The following CALN1 variants were observed in gnomAD, a reference collection of about 807,000 sequenced individuals.
CALN1 encodes calneuron 1, also known as calcium-binding protein 8.
In CALN1, 17 loss-of-function variants were observed where a neutral mutation model predicts 30.6. That is an observed-to-expected ratio of 0.56 (90% CI 0.38 to 0.83). The LOEUF (loss-of-function observed/expected upper bound fraction) is 0.83. Ranked by LOEUF, CALN1 falls within the 40% of genes least tolerant of loss-of-function variation. CALN1 has a pLI of 0.00. For missense variants in CALN1, 291 were observed against 354.9 expected, an observed-to-expected ratio of 0.82 and a Z score of 1.45; for synonymous variants, 156 against 131.4, an observed-to-expected ratio of 1.19 and a Z score of -1.28.
intron 3 of CALN1, among the ~76,000 whole-genome samples, chr7:72,155,907 C>T (rs1787641558): frequency 6.6e-6 from 1 of 152,132 alleles, no homozygotes; most frequent in African/African-American, 2.4e-5. Flanking sequence ...CCTCCACCTT[C>T]AATGCCAGCT....
chr7:71,871,893 T>C (rs1256117778), intron 5 of CALN1, among the ~76,000 whole-genome samples: 1 of 152,160 alleles, frequency 6.6e-6, no homozygotes, highest in Admixed American at 6.5e-5. Context: ...ATAATATATT[T>C]CATCTTCCAC....
chr7:72,036,327 G>C (rs1453985616), intron 4 of CALN1, among the ~76,000 whole-genome samples: 3 of 152,068 alleles, frequency 2.0e-5, no homozygotes, highest in African/African-American at 7.2e-5. Flanking sequence ...GGGTCTCTTT[G>C]AGTTCATCTT....
chr7:72,202,401 A>G (rs1473277389), intron 3 of CALN1, among the ~76,000 whole-genome samples: 2 of 152,222 alleles, frequency 1.3e-5, no homozygotes, highest in African/African-American at 4.8e-5. Context: ...GAAAAAAAGA[A>G]ATAGAAAACA....
At chr7:71,923,017 ACTATACTATT>A (rs1386902190) in intron 5 of CALN1, among the ~76,000 whole-genome samples, 1 of 149,408 alleles carries the variant, frequency 6.7e-6, no homozygotes, top group Non-Finnish European at 1.5e-5. Flanking sequence ...ACTATACTAT[ACTATACTATT>A]CTATACTATA....
intron 3 of CALN1, among the ~76,000 whole-genome samples, chr7:72,181,003 C>T (rs1789741635): frequency 6.7e-6 from 1 of 149,300 alleles, no homozygotes; most frequent in African/African-American, 2.5e-5. Context: ...GAGGCTGGGG[C>T]AGGAGAATCA....
intron 5 of CALN1, among the ~76,000 whole-genome samples, chr7:71,863,002 T>C (rs191009042): frequency 2.0e-5 from 3 of 150,776 alleles, no homozygotes; most frequent in Non-Finnish European, 4.4e-5. Flanking sequence ...CTCACGCCTA[T>C]AATCCCAGCA....
intron 2 of CALN1, among the ~76,000 whole-genome samples, chr7:72,287,148 T>A (rs1798134934): frequency 6.6e-6 from 1 of 152,178 alleles, no homozygotes; most frequent in South Asian, 2.1e-4. Flanking sequence ...TTTGCCTTCT[T>A]TGCTTATTTT....
the CALN1 span, among the ~76,000 whole-genome samples, chr7:72,468,941 T>C: frequency 8.3e-4 from 127 of 152,354 alleles, no homozygotes; most frequent in African/African-American, 3.0e-3. Context: ...GTTTTTTAAA[T>C]ATATTCTGTA....
At chr7:72,096,638 G>C (rs1159649823) in intron 4 of CALN1, among the ~76,000 whole-genome samples, 3 of 152,186 alleles carry the variant, frequency 2.0e-5, no homozygotes, top group Admixed American at 2.0e-4. Flanking sequence ...CATTTGCAAA[G>C]CTAGCTGGAT....
chr7:72,222,314 C>A (rs538993865), intron 3 of CALN1, among the ~76,000 whole-genome samples: 4 of 152,260 alleles, frequency 2.6e-5, no homozygotes, highest in Middle Eastern at 3.4e-3. Flanking sequence ...AAGTGTGATG[C>A]TGGCATCTGC....
intron 5 of CALN1, among the ~76,000 whole-genome samples, chr7:71,916,021 C>G (rs1794673868): frequency 6.6e-6 from 1 of 152,174 alleles, no homozygotes; most frequent in Non-Finnish European, 1.5e-5. Context: ...CCTCCCTGTC[C>G]TGTCCCTCCA....
intron 5 of CALN1, among the ~76,000 whole-genome samples, chr7:71,989,601 T>C (rs907261158): frequency 6.6e-6 from 1 of 152,006 alleles, no homozygotes; most frequent in Non-Finnish European, 1.5e-5. Context: ...CCCAAAGAAA[T>C]TGGAAAACCA....
rs971132158 is a variant in CALN1, at chr7:71,780,267, G to C, written c.*7508C>G. 1 of 152,172 alleles carries C rather than the reference G, an allele frequency of 6.6e-6. No individual in the cohort carries two copies. Among genetic ancestry groups the C allele is most frequent in the Non-Finnish European group, 1.5e-5 (1 of 68,004 alleles). The allele number at this position is 152,172 out of a possible 1,614,324, so 9.4% of individuals were successfully genotyped here. A position where few individuals can be genotyped will look rare whatever the true frequency, so the allele number is the denominator to read the frequency against. ...GGAGAGAGTTGAGAGCCACTGGCTT[G>C]TGCAACTCTCCACCAGGAGCTGACA... is the stretch of plus-strand genomic sequence containing the variant. On this transcript the variant is annotated 3_prime_UTR_variant, in exon 7 of 7. Transcript: ENST00000395275.
chr7:72,286,731 C>G (rs1798102551), intron 2 of CALN1, among the ~76,000 whole-genome samples: 1 of 152,150 alleles, frequency 6.6e-6, no homozygotes, highest in African/African-American at 2.4e-5. Context: ...TCAAATCAGA[C>G]AAGAATGAGT....
chr7:72,332,394 C>T (rs1801737741), intron 2 of CALN1, among the ~76,000 whole-genome samples: 2 of 151,798 alleles, frequency 1.3e-5, no homozygotes, highest in South Asian at 4.2e-4. Context: ...TCGGTGTTGC[C>T]ATGGCAACAG....
Position 71,928,294 on chromosome 7 carries a change from G to A in CALN1, c.501+95363C>T, listed in dbSNP as rs182524591. Among the ~76,000 whole-genome samples, 935 of 152,212 alleles carry A rather than the reference G, an allele frequency of 6.1e-3. 10 individuals carry two copies. The highest frequency in any genetic ancestry group is 0.021 in the African/African-American group (886 of 41,542). ...ACTGAATGATTCTCTCCCACTGTAT[G>A]GCACCTGGCATCTCTACCTCCTTGG... is the stretch of plus-strand genomic sequence containing the variant. On this transcript the variant is annotated intron_variant, in intron 5 of 6. Transcript: ENST00000395275.
At chr7:72,313,804 C>G (rs990226240) in intron 2 of CALN1, among the ~76,000 whole-genome samples, 2 of 152,096 alleles carry the variant, frequency 1.3e-5, no homozygotes, top group African/African-American at 2.4e-5. Flanking sequence ...AAAATAAGAA[C>G]AAAGAACAGA....
chr7:71,939,595 G>A, intron 5 of CALN1, among the ~76,000 whole-genome samples: 1 of 151,556 alleles, frequency 6.6e-6, no homozygotes, highest in East Asian at 1.9e-4. Flanking sequence ...AAAGTTTACG[G>A]ATGGTAGTTA....
intron 5 of CALN1, among the ~76,000 whole-genome samples, chr7:71,899,978 G>A (rs1338057624): frequency 1.3e-5 from 2 of 152,014 alleles, no homozygotes; most frequent in African/African-American, 4.8e-5. Flanking sequence ...ATCACTATAA[G>A]GGCAAAACCT....
Sources: gnomAD v4.1 joint callset for allele counts (sites outside exome capture counted in the v4.1 genomes callset) on GRCh38, gnomAD v4.1.1 for gene constraint, MANE v1.5 for transcripts, NCBI Gene and HGNC (gene_info 2026-07-23, HGNC 2026-07-21) for gene names.